NAV2: variants seen among roughly 807,000 people sequenced by gnomAD.
NAV2 encodes helicase, APC down-regulated 1.
In NAV2, 54 loss-of-function variants were observed where a neutral mutation model predicts 223.2. The ratio of observed to expected loss-of-function variants is 0.24; its 90% CI spans 0.19 to 0.30. The LOEUF (loss-of-function observed/expected upper bound fraction) is 0.30, where lower values mean the gene tolerates loss of function less well. Among genes scored for constraint, NAV2 ranks in the 10% least tolerant of loss-of-function variants. NAV2 has a pLI of 1.00. For synonymous variants in NAV2, 1,279 were observed against 1,239.3 expected (o/e 1.03, Z -0.67); for missense variants, 2,806 against 3,147.5 (o/e 0.89, Z 2.60).
chr11:19,693,353 A>G (rs773993394), intron 1 of NAV2, among the ~76,000 whole-genome samples: 30 of 152,064 alleles, frequency 2.0e-4, no homozygotes, highest in Non-Finnish European at 3.4e-4. Flanking sequence ...ACAAACAACA[A>G]TTTTCCATGC....
At chr11:20,019,077 G>A (rs1009761587) in intron 11 of NAV2, among the ~76,000 whole-genome samples, 1 of 152,172 alleles carries the variant, frequency 6.6e-6, no homozygotes, top group East Asian at 1.9e-4. Flanking sequence ...GCTATCAGTG[G>A]GCTTTAAGCA....
rs182652271 is a variant in NAV2, at chr11:19,479,851, C to T, written c.75+128824C>T. Among the ~76,000 whole-genome samples the T allele has an allele frequency of 1.0e-3, 156 of 152,272 alleles. 1 individual carries two copies. Among genetic ancestry groups the T allele is most frequent in the African/African-American group, 3.6e-3 (148 of 41,560 alleles). ...CGCTAACCCCTACACTGTGCATGTGCGCACACACACTTCTCAGCCCCACCT... is the reference window on the plus strand; with the variant it reads ...CGCTAACCCCTACACTGTGCATGTGTGCACACACACTTCTCAGCCCCACCT... On this transcript the variant is annotated intron_variant, in intron 1 of 37. Coordinates refer to the NAV2 transcript ENST00000360655.
At chr11:19,513,354 T>C (rs748438489) in intron 1 of NAV2, among the ~76,000 whole-genome samples, 4 of 152,192 alleles carry the variant, frequency 2.6e-5, no homozygotes, top group Non-Finnish European at 5.9e-5. Context: ...TGGAAAACTG[T>C]AGAGTAGGGC....
chr11:19,864,337 C>T (rs1034441014), intron 3 of NAV2, among the ~76,000 whole-genome samples: 4 of 152,188 alleles, frequency 2.6e-5, no homozygotes, highest in African/African-American at 9.7e-5. Context: ...GCGCTTTGCA[C>T]TCAGCTACAC....
chr11:19,711,889 CT>C (rs1341583257), upstream of NAV2: 4 of 152,238 alleles, frequency 2.6e-5, no homozygotes, highest in African/African-American at 9.6e-5. Context: ...AAAACAGAAG[CT>C]TTATAAGCAT....
At chr11:19,389,997 G>A (rs540317186) in intron 1 of NAV2, among the ~76,000 whole-genome samples, 13 of 152,288 alleles carry the variant, frequency 8.5e-5, no homozygotes, top group Non-Finnish European at 1.9e-4. Flanking sequence ...TGATATTTTT[G>A]TTCTTTGGCT....
intron 6 of NAV2, among the ~76,000 whole-genome samples, chr11:19,913,915 G>T (rs2043541683): frequency 1.3e-5 from 2 of 152,098 alleles, no homozygotes; most frequent in Admixed American, 6.6e-5. Flanking sequence ...CCTTGTCTTG[G>T]CAAAACCTAA....
At chr11:19,477,312 C>T (rs533656974) in intron 1 of NAV2, among the ~76,000 whole-genome samples, 1 of 152,300 alleles carries the variant, frequency 6.6e-6, no homozygotes, top group South Asian at 2.1e-4. Flanking sequence ...TTACATTACA[C>T]CAAAACCTCC....
intron 1 of NAV2, among the ~76,000 whole-genome samples, chr11:19,682,995 A>C (rs112931483): frequency 6.6e-6 from 1 of 152,184 alleles, no homozygotes; most frequent in African/African-American, 2.4e-5. Context: ...GGAGGACTAG[A>C]TTCAAACCTT....
In NAV2 at chr11:20,005,566, G is replaced by GAA. The variant is rs59651537; in HGVS notation, c.2768+21332_2768+21333dup. On this transcript the variant is annotated intron_variant, in intron 11 of 37. Transcript: ENST00000349880. ...CAGCCCAGTCATTCTTTAAAAAAAA[G>GAA]AAAAAAAAAAAAAACGAGAAATGAG... Among the ~76,000 whole-genome samples the GAA allele has an allele frequency of 3.8e-3, 526 of 139,008 alleles. 2 individuals are homozygous for GAA. The highest frequency in any genetic ancestry group is 0.014 in the African/African-American group (512 of 36,016). The allele number at this position is 139,008 out of a possible 152,430, so 91.2% of individuals were successfully genotyped here. A position where few individuals can be genotyped will look rare whatever the true frequency, so the allele number is the denominator to read the frequency against.
At chr11:19,489,747 A>G (rs2042562483) in intron 1 of NAV2, among the ~76,000 whole-genome samples, 1 of 152,196 alleles carries the variant, frequency 6.6e-6, no homozygotes, top group Non-Finnish European at 1.5e-5. Flanking sequence ...CCATCTGGCT[A>G]TTGTTATAAT....
intron 1 of NAV2, among the ~76,000 whole-genome samples, chr11:19,480,690 C>G (rs1180857833): frequency 6.6e-6 from 1 of 152,218 alleles, no homozygotes; most frequent in African/African-American, 2.4e-5. Context: ...CCACCTTTCA[C>G]AGCATACATT....
chr11:19,346,427 G>A (rs1853010100), upstream of NAV2, among the ~76,000 whole-genome samples: 1 of 152,202 alleles, frequency 6.6e-6, no homozygotes, highest in African/African-American at 2.4e-5. Flanking sequence ...GCTCCGGTTA[G>A]CTGCGGGCGG....
At chr11:19,870,865 C>T (rs1339944786) in intron 4 of NAV2, among the ~76,000 whole-genome samples, 1 of 152,064 alleles carries the variant, frequency 6.6e-6, no homozygotes, top group Non-Finnish European at 1.5e-5. Flanking sequence ...ATGGCGTCTT[C>T]TGGGATAGAG....
chr11:19,967,310 T>C (rs1298883830), intron 10 of NAV2, among the ~76,000 whole-genome samples: 2 of 152,068 alleles, frequency 1.3e-5, no homozygotes, highest in Non-Finnish European at 2.9e-5. Context: ...AATAAGAATA[T>C]GGGAAGCAAC....
chr11:19,618,430 A>ACGGATGGG (rs2046874878), intron 1 of NAV2, among the ~76,000 whole-genome samples: 1 of 150,228 alleles, frequency 6.7e-6, no homozygotes. Flanking sequence ...GGATGGATGG[A>ACGGATGGG]TGGATGGACG....
At chr11:19,603,094 G>T (rs1443033491) in intron 1 of NAV2, among the ~76,000 whole-genome samples, 1 of 152,178 alleles carries the variant, frequency 6.6e-6, no homozygotes, top group Non-Finnish European at 1.5e-5. Flanking sequence ...GGTTACGTAG[G>T]ACCAGACCAC....
chr11:19,704,748 C>T (rs1005352753), intron 1 of NAV2, among the ~76,000 whole-genome samples: 1 of 152,036 alleles, frequency 6.6e-6, no homozygotes, highest in African/African-American at 2.4e-5. Context: ...CGCGGTGGCT[C>T]ACGCCTGTAA....
chr11:20,066,051 C>T (rs966772872), intron 20 of NAV2, among the ~76,000 whole-genome samples: 3 of 152,168 alleles, frequency 2.0e-5, no homozygotes, highest in Non-Finnish European at 4.4e-5. Context: ...ATACACAAAA[C>T]AGAAAGCAAT....
Sources: allele counts gnomAD v4.1 joint callset (sites outside exome capture counted in the v4.1 genomes callset), GRCh38; gene constraint gnomAD v4.1.1; transcripts MANE v1.5; gene names NCBI Gene and HGNC (gene_info 2026-07-23, HGNC 2026-07-21).